The following ZFHX3 variants were observed in gnomAD, a reference collection of about 807,000 sequenced individuals.
ZFHX3 encodes the protein zinc finger homeobox protein 3.
ZFHX3 carries 42 observed loss-of-function variants against 279.1 expected under a neutral mutation model. That is an observed-to-expected ratio of 0.15 (90% CI 0.12 to 0.19). The LOEUF is 0.19. ZFHX3 is among the 10% of genes least tolerant of loss of function. The pLI is 1.00. For missense variants in ZFHX3, 4,981 were observed against 4,754.0 expected (o/e 1.05, Z -1.40); for synonymous variants, 2,293 against 1,957.8 (o/e 1.17, Z -4.52).
intron 8 of ZFHX3, among the ~76,000 whole-genome samples, chr16:73,091,247 A>G (rs548744235): frequency 2.0e-5 from 3 of 151,302 alleles, no homozygotes; most frequent in Admixed American, 6.6e-5. Flanking sequence ...AAAAAAAAAA[A>G]GCAGTAAAGA....
intron 2 of ZFHX3, among the ~76,000 whole-genome samples, chr16:73,588,326 GA>G (rs1254217367): frequency 6.6e-6 from 1 of 151,946 alleles, no homozygotes; most frequent in Non-Finnish European, 1.5e-5. Context: ...GAGGAAAACA[GA>G]AAAAAAGAAT....
intron 7 of ZFHX3, among the ~76,000 whole-genome samples, chr16:73,112,503 A>G (rs1047076407): frequency 2.6e-5 from 4 of 152,004 alleles, no homozygotes; most frequent in African/African-American, 9.7e-5. Context: ...ACCTGAGGTC[A>G]GGAGTTTGAG....
intron 2 of ZFHX3, among the ~76,000 whole-genome samples, chr16:73,533,937 T>C (rs2019850448): frequency 6.6e-6 from 1 of 152,170 alleles, no homozygotes; most frequent in African/African-American, 2.4e-5. Context: ...ATCATGGCAA[T>C]AGCCCTTGAT....
Position 73,193,637 on chromosome 16 carries a change from A to G in ZFHX3, c.-1103-49806T>C, listed in dbSNP as rs542716930. On this transcript the variant is annotated intron_variant, in intron 5 of 17. Coordinates refer to the ZFHX3 transcript ENST00000641206. Reference sequence around the variant, plus strand: ...CAGTTCTGGTTTGTTTTGAAAGGGGACAACCCCTGTCTGGGAGGAGCCTTT... The same window carrying G: ...CAGTTCTGGTTTGTTTTGAAAGGGGGCAACCCCTGTCTGGGAGGAGCCTTT... Among the ~76,000 whole-genome samples the G allele has an allele frequency of 1.3e-3, 195 of 152,292 alleles. 1 individual carries two copies. The highest frequency in any genetic ancestry group is 1.5e-3 in the Non-Finnish European group (102 of 68,014).
At chr16:73,260,000 C>A (rs1017176308) in intron 4 of ZFHX3, among the ~76,000 whole-genome samples, 3 of 151,506 alleles carry the variant, frequency 2.0e-5, no homozygotes, top group African/African-American at 7.3e-5. Flanking sequence ...TTTTTCCTTT[C>A]CCAGGATCCA....
At chr16:73,359,329 G>C (rs2016397075) in intron 3 of ZFHX3, among the ~76,000 whole-genome samples, 1 of 152,104 alleles carries the variant, frequency 6.6e-6, no homozygotes, top group Admixed American at 6.5e-5. Flanking sequence ...AGCAGAGGTA[G>C]GGACACAGGG....
intron 2 of ZFHX3, among the ~76,000 whole-genome samples, chr16:73,598,471 G>A (rs72801460): frequency 0.039 from 5,872 of 149,856 alleles, 156 homozygotes; most frequent in Non-Finnish European, 0.058. Flanking sequence ...AGGCTGGAGC[G>A]TAGTGGCGTG....
At chr16:73,729,812 C>A (rs1312397493) in intron 1 of ZFHX3, among the ~76,000 whole-genome samples, 1 of 152,174 alleles carries the variant, frequency 6.6e-6, no homozygotes, top group Non-Finnish European at 1.5e-5. Flanking sequence ...CCATGAGGCT[C>A]TATGGGGTCC....
intron 8 of ZFHX3, among the ~76,000 whole-genome samples, chr16:73,085,078 C>T (rs1305270934): frequency 6.6e-6 from 1 of 152,020 alleles, no homozygotes; most frequent in Non-Finnish European, 1.5e-5. Flanking sequence ...CCCCAAATAG[C>T]AAAGCAAACA....
chr16:72,922,348 C>T (rs890874157), intron 3 of ZFHX3, among the ~76,000 whole-genome samples: 2 of 152,200 alleles, frequency 1.3e-5, no homozygotes, highest in African/African-American at 4.8e-5. Flanking sequence ...CGGTGAGGCC[C>T]CCCTGTCCCA....
chr16:73,483,941 T>G (rs898792536), intron 2 of ZFHX3, among the ~76,000 whole-genome samples: 1 of 151,454 alleles, frequency 6.6e-6, no homozygotes, highest in South Asian at 2.1e-4. Context: ...TTTTTTTTTT[T>G]TTTTTTTTTA....
At chr16:73,815,474 C>T (rs1230957938) in intron 1 of ZFHX3, 1 of 152,102 alleles carries the variant, frequency 6.6e-6, no homozygotes, top group Non-Finnish European at 1.5e-5. Flanking sequence ...AGCTACATTG[C>T]ACATTATGTC....
chr16:72,922,732 A>C (rs534887165), intron 3 of ZFHX3, among the ~76,000 whole-genome samples: 1 of 152,324 alleles, frequency 6.6e-6, no homozygotes, highest in South Asian at 2.1e-4. Flanking sequence ...CATTTGTTTC[A>C]GATTGTTACA....
At chr16:73,606,201 A>G (rs1325196871) in intron 2 of ZFHX3, among the ~76,000 whole-genome samples, 1 of 148,430 alleles carries the variant, frequency 6.7e-6, no homozygotes, top group Non-Finnish European at 1.5e-5. Flanking sequence ...AAAAAAAAAA[A>G]AAAAAAAAAA....
At chr16:73,291,985 C>G (rs1394834155) in intron 4 of ZFHX3, among the ~76,000 whole-genome samples, 1 of 152,154 alleles carries the variant, frequency 6.6e-6, no homozygotes, top group African/African-American at 2.4e-5. Flanking sequence ...TACCTCTCCT[C>G]TGGGTAAGCA....
chr16:73,354,509 G>C (rs921334152), intron 3 of ZFHX3, among the ~76,000 whole-genome samples: 1 of 152,146 alleles, frequency 6.6e-6, no homozygotes, highest in Admixed American at 6.5e-5. Context: ...CATTTCACGA[G>C]GTCTCCCTTC....
intron 2 of ZFHX3, among the ~76,000 whole-genome samples, chr16:73,662,419 G>A (rs1400411209): frequency 6.6e-6 from 1 of 152,014 alleles, no homozygotes; most frequent in African/African-American, 2.4e-5. Flanking sequence ...TTACCTTGAC[G>A]AGACACATGC....
At chr16:73,045,518 G>A (rs1965261629) in intron 1 of ZFHX3, among the ~76,000 whole-genome samples, 1 of 152,126 alleles carries the variant, frequency 6.6e-6, no homozygotes, top group Non-Finnish European at 1.5e-5. Context: ...AGGGGCCTGT[G>A]GAGGGCACCG....
chr16:72,966,429 TAGG>T (rs1961843158), intron 1 of ZFHX3, among the ~76,000 whole-genome samples: 1 of 152,180 alleles, frequency 6.6e-6, no homozygotes, highest in African/African-American at 2.4e-5. Context: ...ACAAAATATC[TAGG>T]AGTTTTACTT....
Sources: gnomAD v4.1 joint callset for allele counts (sites outside exome capture counted in the v4.1 genomes callset) on GRCh38, gnomAD v4.1.1 for gene constraint, MANE v1.5 for transcripts, NCBI Gene and HGNC (gene_info 2026-07-23, HGNC 2026-07-21) for gene names.